Variants in CEP128 observed in about 807,000 individuals in gnomAD.
The protein encoded by CEP128 is centrosomal protein 128, also known as centrosomal protein 128kDa.
In CEP128, 132 loss-of-function variants were observed where a neutral mutation model predicts 156.7. That is an observed-to-expected ratio of 0.84 (90% CI 0.73 to 0.97). CEP128 has a LOEUF of 0.97. Ranked by LOEUF, CEP128 falls within the 50% of genes least tolerant of loss-of-function variation. CEP128 has a pLI of 0.00. For synonymous variants in CEP128, 469 were observed against 448.9 expected (o/e 1.04, Z -0.57); for missense variants, 1,252 against 1,281.9 (o/e 0.98, Z 0.36).
intron 19 of CEP128, among the ~76,000 whole-genome samples, chr14:80,705,305 G>GT (rs1448005249): frequency 2.0e-5 from 3 of 150,608 alleles, no homozygotes; most frequent in South Asian, 2.1e-4. Flanking sequence ...TGTGTGTTTT[G>GT]TTTTTTTGTT....
At chr14:80,661,705 C>T (rs921345821) in intron 19 of CEP128, among the ~76,000 whole-genome samples, 1 of 152,084 alleles carries the variant, frequency 6.6e-6, no homozygotes, top group Non-Finnish European at 1.5e-5. Context: ...CAGGTTTTTG[C>T]TAGGCAGTTG....
chr14:80,775,774 G>A (rs781364086), intron 16 of CEP128, among the ~76,000 whole-genome samples: 15 of 152,358 alleles, frequency 9.8e-5, no homozygotes, highest in Non-Finnish European at 1.2e-4. Context: ...ATATGAATGC[G>A]TGATAACACA....
intron 19 of CEP128, among the ~76,000 whole-genome samples, chr14:80,717,126 G>C (rs934224561): frequency 6.6e-6 from 1 of 152,088 alleles, no homozygotes; most frequent in Non-Finnish European, 1.5e-5. Flanking sequence ...GCAAAGGCAA[G>C]GTTAATTTAG....
At position 80,706,455 on chromosome 14, in the gene CEP128, A is replaced by G. The variant is rs188112244; in HGVS notation, c.2806+36620T>C. Among the ~76,000 whole-genome samples the G allele has an allele frequency of 2.5e-3, 381 of 151,828 alleles. 4 individuals carry two copies. Among genetic ancestry groups the G allele is most frequent in the African/African-American group, 8.8e-3 (364 of 41,420 alleles). On this transcript the variant is annotated intron_variant, in intron 19 of 24. Transcript: ENST00000555265. ...TGTGTGTGTATGTGTGTGTGTGTGTAAGTTCTATACAGTGTATCACCTGTG... is the reference window on the plus strand; with the variant it reads ...TGTGTGTGTATGTGTGTGTGTGTGTGAGTTCTATACAGTGTATCACCTGTG...
chr14:80,809,895 C>T (rs1220901994), intron 13 of CEP128, among the ~76,000 whole-genome samples: 1 of 151,912 alleles, frequency 6.6e-6, no homozygotes, highest in African/African-American at 2.4e-5. Context: ...ACAATGAAAA[C>T]ACATGAAGAT....
At chr14:80,664,267 C>A (rs546073650) in intron 19 of CEP128, among the ~76,000 whole-genome samples, 1 of 152,082 alleles carries the variant, frequency 6.6e-6, no homozygotes, top group Non-Finnish European at 1.5e-5. Flanking sequence ...CTTCTGGCAG[C>A]GGGTGTCAGA....
intron 2 of CEP128, among the ~76,000 whole-genome samples, chr14:80,929,819 C>T (rs967424495): frequency 3.9e-5 from 6 of 152,142 alleles, no homozygotes; most frequent in African/African-American, 1.2e-4. Context: ...CACCACTATA[C>T]GATTCATCCA....
At chr14:80,622,858 G>A (rs1893544733) in intron 19 of CEP128, among the ~76,000 whole-genome samples, 1 of 149,316 alleles carries the variant, frequency 6.7e-6, no homozygotes, top group Non-Finnish European at 1.5e-5. Context: ...TACACTGTTG[G>A]TGGGACTGTA....
Position 80,918,776 on chromosome 14 carries a change from G to A in CEP128, c.-15-2214C>T, listed in dbSNP as rs78436528. Among the ~76,000 whole-genome samples, 645 of 152,146 alleles carry A rather than the reference G, an allele frequency of 4.2e-3. 6 individuals are homozygous for A. The highest frequency in any genetic ancestry group is 0.015 in the African/African-American group (612 of 41,520). ...CAGCATAAAAATATCAAGAAAAAAG[G>A]GAAATATCAAATAATAATATAAAAT... On this transcript the variant is annotated intron_variant, in intron 2 of 24. Coordinates refer to ENST00000555265, the MANE Select transcript of CEP128 (RefSeq NM_152446.5).
intron 19 of CEP128, among the ~76,000 whole-genome samples, chr14:80,686,506 C>T (rs947669731): frequency 6.6e-6 from 1 of 152,040 alleles, no homozygotes; most frequent in Non-Finnish European, 1.5e-5. Context: ...CACTATGAAG[C>T]AACTACACCA....
chr14:80,954,985 T>A (rs1393842567), intron 2 of CEP128: 1 of 153,170 alleles, frequency 6.5e-6, no homozygotes, highest in Non-Finnish European at 1.5e-5. Flanking sequence ...AGGCGGCCGC[T>A]GCCAGTCGAC....
intron 8 of CEP128, among the ~76,000 whole-genome samples, chr14:80,880,753 C>G (rs1888497854): frequency 6.7e-6 from 1 of 149,570 alleles, no homozygotes; most frequent in Non-Finnish European, 1.5e-5. Flanking sequence ...GTCCCAGCTA[C>G]TCGGGAGGCT....
chr14:80,949,372 C>T (rs1198659804), intron 2 of CEP128, among the ~76,000 whole-genome samples: 1 of 151,890 alleles, frequency 6.6e-6, no homozygotes, highest in Non-Finnish European at 1.5e-5. Flanking sequence ...TAGAGAGCTA[C>T]GTAGAGAGAA....
Position 80,922,751 on chromosome 14 carries a change from T to C in CEP128, c.-15-6189A>G, listed in dbSNP as rs117752219. Among the ~76,000 whole-genome samples, 1,265 of 152,208 alleles carry C rather than the reference T, an allele frequency of 8.3e-3. 13 individuals are homozygous for C. The highest frequency in any genetic ancestry group is 0.01 in the Non-Finnish European group (687 of 68,008). On this transcript the variant is annotated intron_variant, in intron 2 of 24. Coordinates refer to ENST00000555265, the MANE Select transcript of CEP128 (RefSeq NM_152446.5). Reference sequence around the variant, plus strand: ...AAAAAAGTTCAATTAGATAAGAAATTTACCCTCATTATCATAAGAAATTTC... The same window carrying C: ...AAAAAAGTTCAATTAGATAAGAAATCTACCCTCATTATCATAAGAAATTTC...
intron 13 of CEP128, among the ~76,000 whole-genome samples, chr14:80,796,895 C>G (rs1007462349): frequency 6.6e-6 from 1 of 152,142 alleles, no homozygotes; most frequent in African/African-American, 2.4e-5. Context: ...CAACTCCTAA[C>G]AAAAAGGCAG....
intron 8 of CEP128, among the ~76,000 whole-genome samples, chr14:80,885,584 A>G (rs1262043018): frequency 6.6e-6 from 1 of 152,204 alleles, no homozygotes; most frequent in Non-Finnish European, 1.5e-5. Flanking sequence ...TAACATCAAC[A>G]TAACAAAAAG....
chr14:80,645,029 A>T (rs1490271796), intron 19 of CEP128, among the ~76,000 whole-genome samples: 1 of 152,144 alleles, frequency 6.6e-6, no homozygotes, highest in African/African-American at 2.4e-5. Flanking sequence ...GACATACTTA[A>T]TTCTATGTGA....
At chr14:80,524,581 T>C (rs926169217) in intron 23 of CEP128, among the ~76,000 whole-genome samples, 2 of 152,132 alleles carry the variant, frequency 1.3e-5, no homozygotes, top group Admixed American at 6.6e-5. Context: ...CTTATTTTCA[T>C]GAAAGGAATA....
chr14:80,821,602 C>CACACAT (rs1555352152), intron 13 of CEP128, among the ~76,000 whole-genome samples: 12 of 18,652 alleles, frequency 6.4e-4, no homozygotes, highest in African/African-American at 3.1e-3. Context: ...TACACACATA[C>CACACAT]ACACACACAC....
Sources: gnomAD v4.1 joint callset for allele counts (sites outside exome capture counted in the v4.1 genomes callset) on GRCh38, gnomAD v4.1.1 for gene constraint, MANE v1.5 for transcripts, NCBI Gene and HGNC (gene_info 2026-07-23, HGNC 2026-07-21) for gene names.